SMYD3: variants seen among roughly 807,000 people sequenced by gnomAD.
SMYD3 encodes histone-lysine N-methyltransferase SMYD3.
Under a neutral mutation model 57.7 loss-of-function variants are expected in SMYD3, and 36 were observed. The ratio of observed to expected loss-of-function variants is 0.62; its 90% confidence interval spans 0.48 to 0.82. The LOEUF is 0.82. SMYD3 is among the 40% of genes least tolerant of loss of function. SMYD3 has a pLI of 0.00. For missense variants in SMYD3, 515 were observed against 538.8 expected, an observed-to-expected ratio of 0.96 and a Z score of 0.44; for synonymous variants, 211 against 195.0, an observed-to-expected ratio of 1.08 and a Z score of -0.68.
At chr1:246,320,755 A>G (rs1024132226) in intron 5 of SMYD3, among the ~76,000 whole-genome samples, 1 of 151,522 alleles carries the variant, frequency 6.6e-6, no homozygotes, top group Non-Finnish European at 1.5e-5. Flanking sequence ...TTATGTGCAT[A>G]AAAAAAATCT....
chr1:246,237,337 C>T (rs943480437), intron 5 of SMYD3, among the ~76,000 whole-genome samples: 2 of 152,150 alleles, frequency 1.3e-5, no homozygotes, highest in East Asian at 1.9e-4. Flanking sequence ...ATATGAGGAA[C>T]ACAGACTTTT....
chr1:246,346,020 C>T (rs1344893632), intron 2 of SMYD3, among the ~76,000 whole-genome samples: 2 of 152,310 alleles, frequency 1.3e-5, no homozygotes, highest in Middle Eastern at 3.4e-3. Flanking sequence ...CACAGTGGCT[C>T]ACGCCTGTAA....
At chr1:245,950,531 T>C (rs905530790) in intron 5 of SMYD3, among the ~76,000 whole-genome samples, 1 of 152,202 alleles carries the variant, frequency 6.6e-6, no homozygotes, top group African/African-American at 2.4e-5. Context: ...ACTACACAGA[T>C]TGGCTCGCTC....
intron 5 of SMYD3, among the ~76,000 whole-genome samples, chr1:246,048,717 G>A (rs1388924217): frequency 6.6e-6 from 1 of 151,998 alleles, no homozygotes; most frequent in Non-Finnish European, 1.5e-5. Context: ...TCAGCAAACA[G>A]GGAGAATGAT....
At chr1:246,493,547 GAGA>G (rs1308271352) in intron 1 of SMYD3, among the ~76,000 whole-genome samples, 1 of 152,160 alleles carries the variant, frequency 6.6e-6, no homozygotes, top group Admixed American at 6.5e-5. Context: ...TCCCAATCCT[GAGA>G]AGCTTTTTCT....
At chr1:245,913,278 C>T (rs1351484984) in intron 8 of SMYD3, among the ~76,000 whole-genome samples, 10 of 151,034 alleles carry the variant, frequency 6.6e-5, no homozygotes, top group African/African-American at 2.2e-4. Flanking sequence ...AACCAAACAC[C>T]ACATGTTCTC....
At chr1:246,457,151 A>T (rs2067710313) in intron 1 of SMYD3, among the ~76,000 whole-genome samples, 1 of 152,208 alleles carries the variant, frequency 6.6e-6, no homozygotes, top group Non-Finnish European at 1.5e-5. Context: ...CTTCAGGCTA[A>T]CACTGACCAC....
intron 5 of SMYD3, among the ~76,000 whole-genome samples, chr1:246,164,790 G>A (rs2062178518): frequency 6.6e-6 from 1 of 152,198 alleles, no homozygotes; most frequent in African/African-American, 2.4e-5. Flanking sequence ...AAAGATTTTG[G>A]GAAGAGTATC....
At chr1:245,776,474 AGTTTGGCATCAAT>A (rs1323914149) in intron 10 of SMYD3, among the ~76,000 whole-genome samples, 1 of 152,266 alleles carries the variant, frequency 6.6e-6, no homozygotes, top group Admixed American at 6.5e-5. Context: ...GATGAAATAT[AGTTTGGCATCAAT>A]GAGCTTACCA....
intron 5 of SMYD3, among the ~76,000 whole-genome samples, chr1:245,987,508 C>A (rs1048763589): frequency 1.3e-5 from 2 of 152,218 alleles, no homozygotes; most frequent in Admixed American, 6.5e-5. Context: ...GTTTAACAAT[C>A]ATTAGTAACA....
intron 10 of SMYD3, among the ~76,000 whole-genome samples, chr1:245,803,666 A>G (rs142578764): frequency 1.3e-5 from 2 of 152,242 alleles, no homozygotes; most frequent in African/African-American, 4.8e-5. Flanking sequence ...TACTAGAATT[A>G]GGTGGGAATT....
chr1:245,851,733 C>T (rs1425952611), intron 10 of SMYD3, among the ~76,000 whole-genome samples: 2 of 152,196 alleles, frequency 1.3e-5, no homozygotes, highest in Non-Finnish European at 2.9e-5. Flanking sequence ...ATATCTAGCA[C>T]TCTTGCTACA....
At chr1:245,793,968 T>C (rs2047413558) in intron 10 of SMYD3, among the ~76,000 whole-genome samples, 1 of 152,178 alleles carries the variant, frequency 6.6e-6, no homozygotes, top group Non-Finnish European at 1.5e-5. Flanking sequence ...GCAGTTTTCT[T>C]CTTAAGCAGC....
chr1:246,101,066 TTTTTG>T (rs377310115), intron 5 of SMYD3, among the ~76,000 whole-genome samples: 28,622 of 90,562 alleles, frequency 0.32, 7,134 homozygotes, highest in Non-Finnish European at 0.49. Context: ...TTTTAGGGGT[TTTTTG>T]TTTTTTTTTT....
chr1:246,019,343 G>A (rs75840808), intron 5 of SMYD3, among the ~76,000 whole-genome samples: 1,956 of 152,278 alleles, frequency 0.013, 42 homozygotes, highest in African/African-American at 0.045. Flanking sequence ...AGTGTCAAAC[G>A]CTGCTCTGGA....
chr1:245,755,162 A>G (rs1042391660), intron 11 of SMYD3, among the ~76,000 whole-genome samples: 2 of 152,236 alleles, frequency 1.3e-5, no homozygotes, highest in African/African-American at 4.8e-5. Context: ...TGTGTTGTAC[A>G]ATGTGCCATG....
chr1:245,911,876 G>A (rs2055018321), intron 8 of SMYD3, among the ~76,000 whole-genome samples: 1 of 151,972 alleles, frequency 6.6e-6, no homozygotes, highest in South Asian at 2.1e-4. Context: ...AGCTAGAAGA[G>A]AAAATTTAGA....
At chr1:246,317,652 G>A (rs1332221062) in intron 5 of SMYD3, among the ~76,000 whole-genome samples, 1 of 152,224 alleles carries the variant, frequency 6.6e-6, no homozygotes, top group Non-Finnish European at 1.5e-5. Flanking sequence ...CGATAAGCAT[G>A]TGAGGTAATG....
In SMYD3 at chr1:246,441,143, C is replaced by T. The variant is rs553712014; in HGVS notation, c.164+65911G>A. On this transcript the variant is annotated intron_variant, in intron 1 of 11. Coordinates refer to ENST00000490107, the MANE Select transcript of SMYD3 (RefSeq NM_001167740.2). ...GACACATGAAGAGGAGCTTTTTATC[C>T]AAGACTTTGAAAGAACCGACTAGGA... Among the ~76,000 whole-genome samples the T allele has an allele frequency of 1.5e-4, 23 of 152,236 alleles. No homozygotes were observed. In the South Asian group the frequency reaches 4.3e-3, roughly 29 times the overall value.
Sources: allele counts gnomAD v4.1 joint callset (sites outside exome capture counted in the v4.1 genomes callset), GRCh38; gene constraint gnomAD v4.1.1; transcripts MANE v1.5; gene names NCBI Gene and HGNC (gene_info 2026-07-23, HGNC 2026-07-21).